PTDSS2: variants seen among roughly 807,000 people sequenced by gnomAD.
PTDSS2 encodes PSS-2.
In PTDSS2, 41 loss-of-function variants were observed where a neutral mutation model predicts 64.7. That is an observed-to-expected ratio of 0.63 (90% confidence interval 0.49 to 0.82). The LOEUF (loss-of-function observed/expected upper bound fraction) is 0.82, where lower values mean the gene tolerates loss of function less well. Among genes scored for constraint, PTDSS2 ranks in the 40% least tolerant of loss-of-function variants. The probability of loss-of-function intolerance (pLI) is 0.00; values close to 1 mark genes in which losing one functional copy is unlikely to be tolerated. For synonymous variants in PTDSS2, 297 were observed against 277.8 expected (o/e 1.07, Z -0.69); for missense variants, 485 against 650.0 (o/e 0.75, Z 2.76).
chr11:453,299 G>A (rs994528457), intron 1 of PTDSS2, among the ~76,000 whole-genome samples: 8 of 152,168 alleles, frequency 5.3e-5, no homozygotes, highest in Admixed American at 1.3e-4. Context: ...CAGCTCATGC[G>A]GTCTGGAAAT....
chr11:465,431 C>T (rs923794284), intron 2 of PTDSS2, among the ~76,000 whole-genome samples: 3 of 152,164 alleles, frequency 2.0e-5, no homozygotes, highest in African/African-American at 7.2e-5. Context: ...CTTTGGCCTC[C>T]CAAACTGCTG....
intron 2 of PTDSS2, among the ~76,000 whole-genome samples, chr11:469,237 G>A (rs1429956208): frequency 7.6e-6 from 1 of 130,868 alleles, no homozygotes; most frequent in African/African-American, 3.0e-5. Context: ...GAGGAGAGGA[G>A]TCTCTGGGTA....
At position 479,217 on chromosome 11, in the gene PTDSS2, A is replaced by C. The variant is rs752008484; in HGVS notation, c.435+65A>C. On this transcript the variant is annotated intron_variant, in intron 4 of 11. Transcript: ENST00000308020. The surrounding 1 kb of genome is among the most constrained non-coding windows in gnomAD (Gnocchi z 4.2). ...TGACAGTGTGGCCCCAGGCATGGTG[A>C]CAAAGGAGGCCTTGCCCACACAGCC... The C allele has an allele frequency of 7.4e-7, 1 of 1,350,290 alleles. No homozygotes were observed. The highest frequency in any genetic ancestry group is 1.1e-6 in the Non-Finnish European group (1 of 939,118). 83.6% of individuals were successfully genotyped at this position (1,350,290 alleles called of 1,614,324 possible).
intron 1 of PTDSS2, among the ~76,000 whole-genome samples, chr11:456,783 C>G (rs971321401): frequency 1.3e-5 from 2 of 152,196 alleles, no homozygotes; most frequent in African/African-American, 2.4e-5. Flanking sequence ...GGGCAGGTCT[C>G]TCAGTACTGA....
intron 3 of PTDSS2, among the ~76,000 whole-genome samples, chr11:478,419 C>T (rs147974198): frequency 2.0e-4 from 30 of 151,996 alleles, no homozygotes; most frequent in African/African-American, 7.0e-4. Flanking sequence ...AGATTGCACT[C>T]CAGCCTGGGC....
At chr11:449,752 G>A (rs544527869), upstream of PTDSS2, among the ~76,000 whole-genome samples, 293 of 152,294 alleles carry the variant, frequency 1.9e-3, 3 homozygotes, top group African/African-American at 6.9e-3. Context: ...TTCGAGATTG[G>A]CCTGGCCAAC....
intron 3 of PTDSS2, among the ~76,000 whole-genome samples, chr11:478,142 C>T (rs1040983699): frequency 6.6e-6 from 1 of 152,176 alleles, no homozygotes; most frequent in Admixed American, 6.5e-5. Flanking sequence ...ATCACATCAA[C>T]ATGAAAAAAT....
At chr11:459,121 G>A in intron 1 of PTDSS2, 1 of 130,850 alleles carries the variant, frequency 7.6e-6, no homozygotes, top group Non-Finnish European at 1.6e-5. Flanking sequence ...TGTCGGACCT[G>A]GGTTAGACGT....
intron 3 of PTDSS2, among the ~76,000 whole-genome samples, chr11:474,875 A>G (rs1170422948): frequency 6.6e-6 from 1 of 151,916 alleles, no homozygotes; most frequent in Non-Finnish European, 1.5e-5. Context: ...GGACATATTC[A>G]CGTGTTTGTG....
chr11:467,420 C>T (rs143992143), intron 2 of PTDSS2, among the ~76,000 whole-genome samples: 5 of 152,272 alleles, frequency 3.3e-5, no homozygotes, highest in African/African-American at 4.8e-5. Context: ...AGGCTAAAGC[C>T]GCTTTAGAAG....
intron 2 of PTDSS2, among the ~76,000 whole-genome samples, chr11:467,222 A>G (rs983897625): frequency 1.6e-4 from 25 of 152,248 alleles, no homozygotes; most frequent in African/African-American, 5.1e-4. Context: ...TGAAAGGTCT[A>G]AGCAGATGTT....
chr11:484,722 A>C (rs1177329035), intron 4 of PTDSS2, among the ~76,000 whole-genome samples: 2 of 138,610 alleles, frequency 1.4e-5, no homozygotes, highest in African/African-American at 5.5e-5. Context: ...TAAACAGTGC[A>C]CGGATGCGTG....
In PTDSS2 at chr11:490,594, G is replaced by C. The variant is rs374657981; in HGVS notation, c.*12G>C. ...CAACTCCAAACTGACCTGGGCCGTG[G>C]CTGCCTCGTGAGCCTCCCAGAGCCC... On this transcript the variant is annotated 3_prime_UTR_variant, in exon 12 of 12. Coordinates refer to ENST00000308020, the MANE Select transcript of PTDSS2 (RefSeq NM_030783.3). The C allele has an allele frequency of 3.6e-5, 57 of 1,567,772 alleles. No homozygotes were observed. Among genetic ancestry groups the C allele is most frequent in the East Asian group, 2.6e-4 (11 of 43,092 alleles).
intron 4 of PTDSS2, among the ~76,000 whole-genome samples, chr11:486,705 G>A (rs566328260): frequency 5.9e-5 from 9 of 152,230 alleles, no homozygotes; most frequent in South Asian, 2.1e-4. Context: ...AATACTAGCC[G>A]GGCGTGGTGG....
rs969005751 is a variant in PTDSS2, at chr11:450,502, C to T, written c.47C>T (p.Ser16Phe). 100 of 1,237,904 alleles carry T rather than the reference C, an allele frequency of 8.1e-5. No individual in the cohort carries two copies. Among genetic ancestry groups the T allele is most frequent in the Non-Finnish European group, 9.9e-5 (97 of 984,692 alleles). The allele number at this position is 1,237,904 out of a possible 1,614,324, so 76.7% of individuals were successfully genotyped here. A position where few individuals can be genotyped will look rare whatever the true frequency, so the allele number is the denominator to read the frequency against. ...GACGCCGGAGGTCCGCGGCCCGAGTCCCCGGTGCCCGCGGGCAGGGCCTCG... is the reference window on the plus strand; with the variant it reads ...GACGCCGGAGGTCCGCGGCCCGAGTTCCCGGTGCCCGCGGGCAGGGCCTCG... ...RRDAGGPRPE[S>F]PVPAGRASLE... The change falls in exon 1 of 12, where the codon TCC becomes TTC. Residue 16 changes from serine to phenylalanine, a missense_variant. By Grantham distance (155) the Ser-to-Phe change is radical. Around this residue, in one of 3 missense-constraint regions of PTDSS2, gnomAD observed 251 missense variants for 348.0 expected, o/e 0.72. Transcript: ENST00000308020.
chr11:482,049 A>C (rs1057193229), intron 4 of PTDSS2, among the ~76,000 whole-genome samples: 2 of 151,164 alleles, frequency 1.3e-5, no homozygotes, highest in African/African-American at 4.9e-5. Flanking sequence ...GGGTTTCTCC[A>C]TGTTGAGGCT....
At chr11:480,479 C>A (rs938218903) in intron 4 of PTDSS2, 2 of 148,546 alleles carry the variant, frequency 1.3e-5, no homozygotes, top group Non-Finnish European at 3.0e-5. Context: ...CAGGATCATG[C>A]GGTGGGCAGC....
At chr11:475,598 C>T (rs1847767959) in intron 3 of PTDSS2, among the ~76,000 whole-genome samples, 1 of 152,096 alleles carries the variant, frequency 6.6e-6, no homozygotes, top group Non-Finnish European at 1.5e-5. Context: ...TATTCACAGC[C>T]TCGAAAGAGT....
At position 490,562 on chromosome 11, in the gene PTDSS2, G is replaced by T; in HGVS notation, c.1444G>T (p.Gly482Ter). The change falls in exon 12 of 12, where the codon GGA becomes TGA. Residue 482 changes from glycine (G) to a stop codon, truncating the protein, a stop_gained. Transcript: ENST00000308020. LOFTEE classifies it low-confidence loss of function (END_TRUNC). ...GGGGCCTGGGGTGGCCGAGGGCGAG[G>T]GAGCACCAACTCCAAACTGACCTGG... is the stretch of plus-strand genomic sequence containing the variant. ...LLGPGVAEGEGAPTPN is the reference protein window; with the variant it reads ...LLGPGVAEGE 1.2e-6 allele frequency: 2 copies of T among 1,603,548 alleles called. No homozygotes were observed. Among genetic ancestry groups the T allele is most frequent in the Non-Finnish European group, 8.5e-7 (1 of 1,175,768 alleles).
Sources: allele counts gnomAD v4.1 joint callset (sites outside exome capture counted in the v4.1 genomes callset), GRCh38; gene constraint gnomAD v4.1.1; regional missense constraint gnomAD v4.1.1; non-coding constraint Gnocchi (gnomAD v3.1); transcripts MANE v1.5; gene names NCBI Gene and HGNC (gene_info 2026-07-23, HGNC 2026-07-21).